ROBO2: variants seen among roughly 807,000 people sequenced by gnomAD.
ROBO2 encodes the protein roundabout homolog 2.
A neutral mutation model predicts 160.8 loss-of-function variants in ROBO2; 53 were observed. The observed-to-expected ratio is 0.33, with a 90% CI of 0.26 to 0.41. The LOEUF (loss-of-function observed/expected upper bound fraction) is 0.41, where lower values mean the gene tolerates loss of function less well. Ranked by LOEUF, ROBO2 falls within the 10% of genes least tolerant of loss-of-function variation. ROBO2 has a pLI of 1.00. For synonymous variants in ROBO2, 664 were observed against 611.7 expected, an observed-to-expected ratio of 1.09 and a Z score of -1.26; for missense variants, 1,577 against 1,722.4, an observed-to-expected ratio of 0.92 and a Z score of 1.49.
chr3:77,370,655 C>T (rs1465106953), intron 2 of ROBO2, among the ~76,000 whole-genome samples: 1 of 152,194 alleles, frequency 6.6e-6, no homozygotes, highest in African/African-American at 2.4e-5. Flanking sequence ...TGGTATGACT[C>T]GTGAGCTAAG....
intron 1 of ROBO2, among the ~76,000 whole-genome samples, chr3:77,090,323 C>CTTTT (rs542280937): frequency 8.5e-5 from 6 of 70,746 alleles, no homozygotes; most frequent in South Asian, 4.5e-4. Context: ...CTAAACCACT[C>CTTTT]TTTTTTTTTT....
At chr3:77,159,934 C>T (rs1170080168) in intron 2 of ROBO2, among the ~76,000 whole-genome samples, 1 of 152,046 alleles carries the variant, frequency 6.6e-6, no homozygotes, top group Non-Finnish European at 1.5e-5. Context: ...ATTATATTGT[C>T]AGTGGTTTAT....
intron 2 of ROBO2, among the ~76,000 whole-genome samples, chr3:76,453,369 C>A (rs11707196): frequency 6.6e-6 from 1 of 152,174 alleles, no homozygotes; most frequent in African/African-American, 2.4e-5. Flanking sequence ...TGTAAGGAAG[C>A]GATCCAGTTT....
At chr3:76,229,230 C>G (rs546590405) in intron 2 of ROBO2, among the ~76,000 whole-genome samples, 1 of 152,102 alleles carries the variant, frequency 6.6e-6, no homozygotes, top group East Asian at 1.9e-4. Context: ...GTATCTTTAT[C>G]TCAGTGTTGC....
intron 2 of ROBO2, among the ~76,000 whole-genome samples, chr3:77,447,738 T>A (rs908056482): frequency 2.0e-5 from 3 of 152,258 alleles, no homozygotes; most frequent in East Asian, 1.9e-4. Context: ...CAAATCAACG[T>A]TGACTAATTA....
At chr3:76,203,307 A>G (rs1702629791) in intron 2 of ROBO2, among the ~76,000 whole-genome samples, 1 of 152,218 alleles carries the variant, frequency 6.6e-6, no homozygotes, top group Non-Finnish European at 1.5e-5. Context: ...CAAGGTATTA[A>G]TTTATTCTAC....
chr3:77,611,656 G>A (rs185623499), intron 21 of ROBO2, among the ~76,000 whole-genome samples: 1 of 152,224 alleles, frequency 6.6e-6, no homozygotes, highest in East Asian at 1.9e-4. Flanking sequence ...GCTATCATCA[G>A]TTTTCATTCT....
intron 2 of ROBO2, among the ~76,000 whole-genome samples, chr3:77,246,988 G>T (rs2089802565): frequency 6.6e-6 from 1 of 152,098 alleles, no homozygotes; most frequent in Non-Finnish European, 1.5e-5. Context: ...GGGTGGGGTG[G>T]ATTATATTCA....
intron 1 of ROBO2, among the ~76,000 whole-genome samples, chr3:77,079,282 T>A (rs2068367182): frequency 6.6e-6 from 1 of 152,188 alleles, no homozygotes; most frequent in Admixed American, 6.5e-5. Flanking sequence ...TATTAATACT[T>A]TGTGTTATAC....
At chr3:76,725,147 G>A (rs1046307671) in intron 2 of ROBO2, among the ~76,000 whole-genome samples, 12 of 151,886 alleles carry the variant, frequency 7.9e-5, no homozygotes, top group Non-Finnish European at 1.3e-4. Context: ...TTATTATAGC[G>A]CCCAGAAGGC....
At chr3:76,163,061 A>G (rs1353452583) in intron 2 of ROBO2, among the ~76,000 whole-genome samples, 1 of 152,184 alleles carries the variant, frequency 6.6e-6, no homozygotes, top group Non-Finnish European at 1.5e-5. Context: ...ATCTCCCATT[A>G]GTCTAAAACA....
intron 2 of ROBO2, among the ~76,000 whole-genome samples, chr3:76,176,977 C>G (rs936774225): frequency 1.3e-5 from 2 of 152,072 alleles, no homozygotes; most frequent in Non-Finnish European, 2.9e-5. Context: ...ATTCTCTGTA[C>G]TTTATATTGC....
chr3:77,303,981 T>C (rs970762800), intron 2 of ROBO2, among the ~76,000 whole-genome samples: 43 of 152,142 alleles, frequency 2.8e-4, no homozygotes, highest in Non-Finnish European at 6.2e-4. Flanking sequence ...AATAGACTCA[T>C]GTAGCTCTCT....
chr3:76,834,065 T>C lies in ROBO2; in HGVS notation c.110-263949T>C, dbSNP rs374724366. On this transcript the variant is annotated intron_variant, in intron 2 of 26. Transcript: ENST00000487694. ...CTTTCTTTCTCTCCTTTCTTTCTTT[T>C]CTTTCTTTCTTTCTTTCTTTCTTTC... 9.8e-3 allele frequency among the ~76,000 whole-genome samples: 678 copies of C among 68,850 alleles called. 2 individuals carry two copies. The highest frequency in any genetic ancestry group is 0.011 in the Non-Finnish European group (360 of 31,972). 45.2% of individuals were successfully genotyped at this position (68,850 alleles called of 152,430 possible).
intron 2 of ROBO2, among the ~76,000 whole-genome samples, chr3:75,987,526 G>A (rs916677827): frequency 3.3e-5 from 5 of 151,786 alleles, no homozygotes; most frequent in Non-Finnish European, 7.4e-5. Context: ...TTCCTTTCCA[G>A]TTTGGATGCC....
chr3:76,118,464 T>G (rs949879515), intron 2 of ROBO2, among the ~76,000 whole-genome samples: 2 of 152,182 alleles, frequency 1.3e-5, no homozygotes, highest in African/African-American at 4.8e-5. Flanking sequence ...CATGTACTGT[T>G]TCTCCAAATG....
At chr3:76,803,656 G>A (rs1211003494) in intron 2 of ROBO2, among the ~76,000 whole-genome samples, 2 of 152,110 alleles carry the variant, frequency 1.3e-5, no homozygotes, top group African/African-American at 4.8e-5. Context: ...TTACTCACTT[G>A]TTAATTTTTT....
chr3:77,411,890 T>C (rs952843280), intron 2 of ROBO2, among the ~76,000 whole-genome samples: 2 of 152,226 alleles, frequency 1.3e-5, no homozygotes, highest in Non-Finnish European at 1.5e-5. Flanking sequence ...CATCCTTTAT[T>C]GTTTCCTTCC....
At position 76,042,753 on chromosome 3, in the gene ROBO2, G is replaced by A. The variant is rs549541881; in HGVS notation, c.109+105151G>A. ...AACCCGATGTTACCCATAGATTTCA[G>A]GCATTGTATGGAAGAACATTGTGAA... is the stretch of plus-strand genomic sequence containing the variant. On this transcript the variant is annotated intron_variant, in intron 2 of 26. Transcript: ENST00000487694. Among the ~76,000 whole-genome samples the A allele has an allele frequency of 9.9e-4, 151 of 152,122 alleles. 1 individual carries two copies. Among genetic ancestry groups the A allele is most frequent in the Admixed American group, 1.9e-3 (29 of 15,294 alleles).
Sources: allele counts gnomAD v4.1 joint callset (sites outside exome capture counted in the v4.1 genomes callset), GRCh38; gene constraint gnomAD v4.1.1; transcripts MANE v1.5; gene names NCBI Gene and HGNC (gene_info 2026-07-23, HGNC 2026-07-21).